C13orf42: variants seen among roughly 807,000 people sequenced by gnomAD.
The protein encoded by C13orf42 is uncharacterized protein C13orf42.
chr13:51,092,181 CT>C (rs1430989958), intron 1 of C13orf42, among the ~76,000 whole-genome samples: 1 of 152,322 alleles, frequency 6.6e-6, no homozygotes, highest in African/African-American at 2.4e-5. Context: ...CAACGTGTCC[CT>C]AGTTGGGGGA....
intron 1 of C13orf42, among the ~76,000 whole-genome samples, chr13:51,119,451 C>A (rs1337694426): frequency 1.3e-5 from 2 of 152,092 alleles, no homozygotes. Context: ...TGCTTTCCTG[C>A]TGCCATGGCG....
chr13:51,136,970 A>T (rs2138026694), intron 1 of C13orf42, among the ~76,000 whole-genome samples: 1 of 152,286 alleles, frequency 6.6e-6, no homozygotes, highest in African/African-American at 2.4e-5. Flanking sequence ...CTTGGGGACA[A>T]GGTGACCCCT....
chr13:51,105,111 A>G (rs1377471959), intron 1 of C13orf42, among the ~76,000 whole-genome samples: 1 of 148,616 alleles, frequency 6.7e-6, no homozygotes. Flanking sequence ...GATTTTGACA[A>G]AGGCCATTGG....
intron 1 of C13orf42, among the ~76,000 whole-genome samples, chr13:51,165,031 C>T (rs760841716): frequency 3.9e-5 from 6 of 152,162 alleles, no homozygotes; most frequent in African/African-American, 7.2e-5. Flanking sequence ...AAGATCATTA[C>T]GGGTGTGCTG....
At chr13:51,145,262 T>C (rs184112999) in intron 1 of C13orf42, among the ~76,000 whole-genome samples, 10 of 152,360 alleles carry the variant, frequency 6.6e-5, no homozygotes, top group South Asian at 4.1e-4. Context: ...CCTATTTACA[T>C]ACATAAGCCA....
Position 51,141,062 on chromosome 13 carries a change from G to A in C13orf42, n.137-27840C>T, listed in dbSNP as rs1953691624. The stretch of plus-strand genomic sequence containing the variant: ...TGTTAAAGGAGCTCAATAGCTAAAA[G>A]TCAGCTTAATTAAAAGGCTAACATC... On this transcript the variant is annotated intron_variant and non_coding_transcript_variant, in intron 1 of 4. Coordinates refer to the C13orf42 transcript ENST00000433280. 2.0e-5 allele frequency among the ~76,000 whole-genome samples: 3 copies of A among 148,348 alleles called. 1 individual carries two copies. In the South Asian group the frequency reaches 6.5e-4, roughly 32 times the overall value.
chr13:51,135,644 C>A (rs1953651807), intron 1 of C13orf42, among the ~76,000 whole-genome samples: 1 of 145,796 alleles, frequency 6.9e-6, no homozygotes, highest in Non-Finnish European at 1.5e-5. Context: ...CAGAGCAAGA[C>A]CCTGTCCCAA....
chr13:51,113,016 C>T (rs1383030122), upstream of C13orf42, among the ~76,000 whole-genome samples: 1 of 152,196 alleles, frequency 6.6e-6, no homozygotes, highest in East Asian at 1.9e-4. Context: ...ACTACACAGC[C>T]TTTCTCAGTA....
At chr13:51,160,062 T>C (rs1014489115) in intron 1 of C13orf42, among the ~76,000 whole-genome samples, 3 of 152,194 alleles carry the variant, frequency 2.0e-5, no homozygotes, top group African/African-American at 7.2e-5. Flanking sequence ...GCTCCCATGA[T>C]TCAATTACCT....
At chr13:51,162,077 A>G (rs1566142939) in intron 1 of C13orf42, 1 of 337,680 alleles carries the variant, frequency 3.0e-6, no homozygotes, top group Non-Finnish European at 5.8e-6. Flanking sequence ...GCCAACCTTT[A>G]CACCGTATTT....
chr13:51,133,037 T>C (rs562333361), intron 1 of C13orf42, among the ~76,000 whole-genome samples: 1 of 152,340 alleles, frequency 6.6e-6, no homozygotes, highest in East Asian at 1.9e-4. Flanking sequence ...GAGGCATGAA[T>C]AATCCACCCC....
chr13:51,158,324 C>T lies in C13orf42; in HGVS notation n.136+13929G>A, dbSNP rs1313354671. 2.0e-5 allele frequency among the ~76,000 whole-genome samples: 3 copies of T among 152,180 alleles called. No individual in the cohort carries two copies. In the East Asian group the frequency reaches 5.8e-4, roughly 29 times the overall value. On this transcript the variant is annotated intron_variant and non_coding_transcript_variant, in intron 1 of 4. Coordinates refer to the C13orf42 transcript ENST00000433280. Reference sequence around the variant, plus strand: ...AACAGAGGCAGGTTCCTGGCTATGCCTCTCCCTGCTTCTCTTCAATCCTCA... The same window carrying T: ...AACAGAGGCAGGTTCCTGGCTATGCTTCTCCCTGCTTCTCTTCAATCCTCA...
At chr13:51,150,752 T>C (rs868463740) in intron 1 of C13orf42, among the ~76,000 whole-genome samples, 1 of 152,182 alleles carries the variant, frequency 6.6e-6, no homozygotes, top group Non-Finnish European at 1.5e-5. Flanking sequence ...TGGGGCTATG[T>C]TGTTCCATCC....
chr13:51,161,380 G>A (rs1034037456), intron 1 of C13orf42, among the ~76,000 whole-genome samples: 1 of 151,968 alleles, frequency 6.6e-6, no homozygotes, highest in South Asian at 2.1e-4. Flanking sequence ...GACCCATGAG[G>A]GCCTTACCCA....
chr13:51,129,176 G>A (rs896684777), intron 1 of C13orf42, among the ~76,000 whole-genome samples: 10 of 152,166 alleles, frequency 6.6e-5, no homozygotes, highest in African/African-American at 1.9e-4. Context: ...AGGGCCAGCC[G>A]CAGTGACAAA....
intron 1 of C13orf42, among the ~76,000 whole-genome samples, chr13:51,169,815 G>A (rs528674738): frequency 6.6e-4 from 101 of 152,342 alleles, no homozygotes; most frequent in Non-Finnish European, 1.3e-3. Flanking sequence ...GATTTCAGAG[G>A]ATGTGTGGAA....
At chr13:51,125,525 C>T (rs1459692620) in intron 1 of C13orf42, among the ~76,000 whole-genome samples, 2 of 152,128 alleles carry the variant, frequency 1.3e-5, no homozygotes, top group Admixed American at 1.3e-4. Context: ...TGGAGAGAAG[C>T]CACACACCTC....
intron 2 of C13orf42, among the ~76,000 whole-genome samples, chr13:51,087,554 T>C (rs998351115): frequency 5.9e-5 from 9 of 152,204 alleles, no homozygotes; most frequent in African/African-American, 2.2e-4. Context: ...ACCCTTTAAA[T>C]GACACCCCTC....
At chr13:51,170,807 T>C (rs1953943424) in intron 1 of C13orf42, among the ~76,000 whole-genome samples, 1 of 151,962 alleles carries the variant, frequency 6.6e-6, no homozygotes, top group South Asian at 2.1e-4. Context: ...CAAGTATCCC[T>C]CAACCCCTTC....
Sources: gnomAD v4.1 joint callset for allele counts (sites outside exome capture counted in the v4.1 genomes callset) on GRCh38, gnomAD v4.1.1 for gene constraint, MANE v1.5 for transcripts, NCBI Gene and HGNC (gene_info 2026-07-23, HGNC 2026-07-21) for gene names.